TRIM66: variants seen among roughly 807,000 people sequenced by gnomAD.
TRIM66 encodes the protein tripartite motif-containing protein 66.
TRIM66 carries 99 observed loss-of-function variants against 148.2 expected under a neutral mutation model. That is an observed-to-expected ratio of 0.67 (90% CI 0.57 to 0.79). TRIM66 has a LOEUF of 0.79. Ranked by LOEUF, TRIM66 falls within the 30% of genes least tolerant of loss-of-function variation. The pLI is 0.00. For missense variants in TRIM66, 1,666 were observed against 1,697.9 expected (o/e 0.98, Z 0.33); for synonymous variants, 616 against 635.9 (o/e 0.97, Z 0.47).
At chr11:8,626,552 A>G (rs1382706562) in intron 15 of TRIM66, among the ~76,000 whole-genome samples, 1 of 152,126 alleles carries the variant, frequency 6.6e-6, no homozygotes, top group Non-Finnish European at 1.5e-5. Context: ...AGCCCCATCA[A>G]TTCTACCCCT....
chr11:8,652,363 G>A (rs2037432659), intron 6 of TRIM66, among the ~76,000 whole-genome samples: 1 of 151,984 alleles, frequency 6.6e-6, no homozygotes, highest in South Asian at 2.1e-4. Flanking sequence ...CGAAGCTAAA[G>A]CCTCCAGAAG....
intron 6 of TRIM66, among the ~76,000 whole-genome samples, chr11:8,654,197 G>A (rs992445121): frequency 4.6e-5 from 7 of 152,254 alleles, no homozygotes; most frequent in African/African-American, 1.7e-4. Context: ...TAAAGCCAAA[G>A]TCCTCAGCTT....
intron 6 of TRIM66, among the ~76,000 whole-genome samples, chr11:8,668,118 T>C (rs1232010697): frequency 6.6e-6 from 1 of 152,240 alleles, no homozygotes; most frequent in Non-Finnish European, 1.5e-5. Flanking sequence ...CATCCTAATG[T>C]ACTTGAGGTG....
chr11:8,617,905 G>T lies in TRIM66; in HGVS notation c.*39C>A, dbSNP rs1049171480. The T allele has an allele frequency of 1.3e-6, 2 of 1,545,962 alleles. No individual in the cohort carries two copies. Among genetic ancestry groups the T allele is most frequent in the South Asian group, 2.4e-5 (2 of 83,946 alleles). Reference sequence around the variant, plus strand: ...ATGGGGAGGAATGGTCGACAGTATGGGACAACAGCTGCCAGAGTGCCCAGT... The same window carrying T: ...ATGGGGAGGAATGGTCGACAGTATGTGACAACAGCTGCCAGAGTGCCCAGT... On this transcript the variant is annotated 3_prime_UTR_variant, in exon 25 of 25. Transcript: ENST00000646038.
upstream of TRIM66, chr11:8,682,934 C>G (rs906451836): frequency 4.4e-6 from 6 of 1,357,018 alleles, no homozygotes; most frequent in Non-Finnish European, 6.1e-6. Context: ...TGCGCATGGC[C>G]GCCTGCGGGG....
intron 15 of TRIM66, 105 bp from the exon 16 acceptor site, chr11:8,625,333 T>C: frequency 1.2e-5 from 16 of 1,372,078 alleles, no homozygotes; most frequent in Non-Finnish European, 1.5e-5. Context: ...AATTCCACTC[T>C]GGCTTCAGAG....
At chr11:8,651,184 G>A (rs1377828099) in intron 7 of TRIM66, among the ~76,000 whole-genome samples, 4 of 152,022 alleles carry the variant, frequency 2.6e-5, no homozygotes, top group African/African-American at 7.3e-5. Context: ...TATATGGGTC[G>A]ATCTCCCTAA....
At chr11:8,620,991 C>A in intron 20 of TRIM66, 41 bp downstream of exon 20, 4 of 1,530,118 alleles carry the variant, frequency 2.6e-6, no homozygotes, top group Non-Finnish European at 3.5e-6. Context: ...TGGAAGGTAA[C>A]CCTACTAGCC....
At position 8,646,538 on chromosome 11, in the gene TRIM66, T is replaced by C; in HGVS notation, c.866A>G (p.His289Arg). ...EDRIFEVKHQ[H>R]RKVENQIKMA... is the part of the protein sequence containing the mutation. ...TTTGATCTGGTTTTCCACCTTCCTATGCTGATGCTTCACTTCAAAAATCCT... is the reference window on the plus strand; with the variant it reads ...TTTGATCTGGTTTTCCACCTTCCTACGCTGATGCTTCACTTCAAAAATCCT... The change falls in exon 11 of 25, where the codon CAT becomes CGT. Residue 289 changes from histidine (H) to arginine (R), a missense_variant. Physicochemically the swap from His to Arg is conservative, Grantham distance 29. Transcript: ENST00000646038. 6.4e-7 allele frequency: 1 copy of C among 1,551,922 alleles called. No homozygotes were observed. Among genetic ancestry groups the C allele is most frequent in the African/African-American group, 1.4e-5 (1 of 73,164 alleles).
At chr11:8,664,692 G>T (rs1355164787) in intron 6 of TRIM66, among the ~76,000 whole-genome samples, 1 of 152,132 alleles carries the variant, frequency 6.6e-6, no homozygotes, top group Non-Finnish European at 1.5e-5. Context: ...AGGCTTTATT[G>T]ATTAAGTCAT....
At chr11:8,666,341 G>GAA (rs558326812) in intron 6 of TRIM66, among the ~76,000 whole-genome samples, 17 of 23,538 alleles carry the variant, frequency 7.2e-4, no homozygotes, top group East Asian at 1.4e-3. Context: ...CTCCGCCTCA[G>GAA]AAAAAAAAAA....
intron 10 of TRIM66, among the ~76,000 whole-genome samples, chr11:8,647,125 G>T (rs1439377356): frequency 6.7e-6 from 1 of 150,194 alleles, no homozygotes; most frequent in African/African-American, 2.4e-5. Context: ...ATATAATAAT[G>T]TTTATATTAA....
intron 3 of TRIM66, among the ~76,000 whole-genome samples, chr11:8,678,574 A>C (rs1202827281): frequency 6.6e-6 from 1 of 152,194 alleles, no homozygotes; most frequent in African/African-American, 2.4e-5. Context: ...ACTGTCTATT[A>C]CGTATAATTT....
chr11:8,645,031 T>C (rs2036726866), intron 12 of TRIM66, among the ~76,000 whole-genome samples: 1 of 152,226 alleles, frequency 6.6e-6, no homozygotes, highest in African/African-American at 2.4e-5. Context: ...AGTCATCATC[T>C]TCCTCTGTCT....
chr11:8,617,007 G>A lies in TRIM66; in HGVS notation c.*937C>T, dbSNP rs2033764075. On this transcript the variant is annotated 3_prime_UTR_variant, in exon 25 of 25. Coordinates refer to ENST00000646038, the MANE Select transcript of TRIM66 (RefSeq NM_001388022.1). ...TCTCCACCCATGGAACTCTGGACCT[G>A]AAGCAGACAGCAGCTGTCTCACAGT... 1 of 152,234 alleles carries A rather than the reference G, an allele frequency of 6.6e-6. No individual in the cohort carries two copies. Among genetic ancestry groups the A allele is most frequent in the Non-Finnish European group, 1.5e-5 (1 of 68,108 alleles). 9.4% of individuals were successfully genotyped at this position (152,234 alleles called of 1,614,324 possible). A position where few individuals can be genotyped will look rare whatever the true frequency, so the allele number is the denominator to read the frequency against.
intron 13 of TRIM66, among the ~76,000 whole-genome samples, chr11:8,642,019 G>A (rs2036437274): frequency 6.6e-6 from 1 of 152,108 alleles, no homozygotes; most frequent in Non-Finnish European, 1.5e-5. Flanking sequence ...AAATTACCCA[G>A]TCTCAGGTAT....
upstream of TRIM66, chr11:8,682,889 T>A: frequency 6.5e-7 from 1 of 1,528,348 alleles, no homozygotes; most frequent in Non-Finnish European, 8.9e-7. Flanking sequence ...TTGCCCCTAG[T>A]CATCCACTCC....
At chr11:8,655,060 A>G (rs1261159769) in intron 6 of TRIM66, among the ~76,000 whole-genome samples, 1 of 151,990 alleles carries the variant, frequency 6.6e-6, no homozygotes, top group African/African-American at 2.4e-5. Flanking sequence ...GGGTTTCACC[A>G]TGTTGGCCAG....
At chr11:8,636,642 C>G (rs1424871396) in intron 15 of TRIM66, among the ~76,000 whole-genome samples, 4 of 152,090 alleles carry the variant, frequency 2.6e-5, no homozygotes, top group Non-Finnish European at 5.9e-5. Context: ...GGCCAAAACT[C>G]CTGTGATCTG....
Sources: gnomAD v4.1 joint callset for allele counts (sites outside exome capture counted in the v4.1 genomes callset) on GRCh38, gnomAD v4.1.1 for gene constraint, MANE v1.5 for transcripts, NCBI Gene and HGNC (gene_info 2026-07-23, HGNC 2026-07-21) for gene names.